Variants in UNC79 observed in about 807,000 individuals in gnomAD.
The protein encoded by UNC79 is unc-79 subunit of NALCN channel complex.
A neutral mutation model predicts 283.1 loss-of-function variants in UNC79; 37 were observed. The observed-to-expected ratio is 0.13, with a 90% confidence interval of 0.10 to 0.17. The LOEUF is 0.17. Among genes scored for constraint, UNC79 ranks in the 10% least tolerant of loss-of-function variants. The probability of loss-of-function intolerance (pLI) is 1.00; values close to 1 mark genes in which losing one functional copy is unlikely to be tolerated. For missense variants in UNC79, 2,272 were observed against 3,211.1 expected (o/e 0.71, Z 7.07); for synonymous variants, 1,107 against 1,200.2 (o/e 0.92, Z 1.61).
intron 27 of UNC79, among the ~76,000 whole-genome samples, chr14:93,614,178 T>A (rs2066514100): frequency 6.6e-6 from 1 of 152,168 alleles, no homozygotes. Context: ...TTGAGTAATT[T>A]TATGTTATTG....
At chr14:93,698,564 C>T (rs1433371635) in intron 47 of UNC79, among the ~76,000 whole-genome samples, 1 of 147,496 alleles carries the variant, frequency 6.8e-6, no homozygotes, top group Non-Finnish European at 1.5e-5. Context: ...TGGCTCGCCA[C>T]AACCTCTGCC....
At chr14:93,450,210 G>A (rs1464190614) in intron 1 of UNC79, among the ~76,000 whole-genome samples, 1 of 152,178 alleles carries the variant, frequency 6.6e-6, no homozygotes, top group African/African-American at 2.4e-5. Context: ...AACATGACCT[G>A]CCTCTAGCTC....
At position 93,423,576 on chromosome 14, in the gene UNC79, T is replaced by C. The variant is rs558641720; in HGVS notation, c.-350-44095T>C. On this transcript the variant is annotated intron_variant, in intron 1 of 49. Transcript: ENST00000256339. ...ATAAATCCATACATCTACAGTGAAT[T>C]CATTTTTGACAAAACTACCAAGAAC... Among the ~76,000 whole-genome samples, 3 of 152,320 alleles carry C rather than the reference T, an allele frequency of 2.0e-5. No homozygotes were observed. The East Asian group carries it at 5.8e-4, about 29-fold the overall frequency.
chr14:93,467,355 A>T (rs1273871285), intron 1 of UNC79, among the ~76,000 whole-genome samples: 1 of 152,122 alleles, frequency 6.6e-6, no homozygotes, highest in Admixed American at 6.5e-5. Flanking sequence ...TTAGAAAACA[A>T]TTTGGAGTAC....
chr14:93,582,473 A>G, intron 20 of UNC79, 129 bp downstream of exon 20: 3 of 1,301,044 alleles, frequency 2.3e-6, no homozygotes, highest in East Asian at 5.1e-5. Flanking sequence ...ACTCGTGCAG[A>G]GGAACATCTC....
chr14:93,488,231 T>A (rs2058543849), intron 5 of UNC79, among the ~76,000 whole-genome samples: 1 of 152,254 alleles, frequency 6.6e-6, no homozygotes, highest in Non-Finnish European at 1.5e-5. Flanking sequence ...TATGTGAAAG[T>A]ACTTGTCTCA....
At chr14:93,698,476 G>GATTTTTTT (rs1555408706) in intron 47 of UNC79, among the ~76,000 whole-genome samples, 4 of 79,092 alleles carry the variant, frequency 5.1e-5, no homozygotes, top group African/African-American at 8.0e-5. Context: ...TTTAGTTTAG[G>GATTTTTTT]TTTTTTTTTT....
At chr14:93,579,344 C>A (rs1261813999) in intron 18 of UNC79, among the ~76,000 whole-genome samples, 1 of 152,176 alleles carries the variant, frequency 6.6e-6, no homozygotes, top group Non-Finnish European at 1.5e-5. Flanking sequence ...TATGATCAGG[C>A]TTTCATCCAC....
chr14:93,675,573 A>C (rs995140144), intron 41 of UNC79, among the ~76,000 whole-genome samples: 42 of 152,236 alleles, frequency 2.8e-4, no homozygotes, highest in African/African-American at 1.0e-3. Flanking sequence ...ACAGAAGTTC[A>C]GGAGTTGACC....
chr14:93,487,137 A>G (rs1257768579), intron 4 of UNC79, among the ~76,000 whole-genome samples: 1 of 152,198 alleles, frequency 6.6e-6, no homozygotes, highest in African/African-American at 2.4e-5. Flanking sequence ...AAATCTTTAA[A>G]TTAATATATC....
At chr14:93,628,310 A>G (rs1218315964) in intron 30 of UNC79, among the ~76,000 whole-genome samples, 1 of 152,098 alleles carries the variant, frequency 6.6e-6, no homozygotes, top group African/African-American at 2.4e-5. Flanking sequence ...CCGCCTTTGT[A>G]TTCTTTACCT....
At chr14:93,670,687 G>T (rs1308324878) in intron 40 of UNC79, among the ~76,000 whole-genome samples, 1 of 152,142 alleles carries the variant, frequency 6.6e-6, no homozygotes, top group African/African-American at 2.4e-5. Flanking sequence ...TTGACCATTG[G>T]TGATCAATCC....
intron 4 of UNC79, 98 bp downstream of exon 4, chr14:93,477,826 G>A: frequency 8.7e-7 from 1 of 1,143,088 alleles, no homozygotes; most frequent in East Asian, 2.4e-5. Context: ...AGATTATAAT[G>A]GAATCACTTG....
chr14:93,630,926 G>C lies in UNC79; in HGVS notation c.5716+18G>C. On this transcript the variant is annotated intron_variant, in intron 31 of 48. Coordinates refer to ENST00000555664, the Ensembl canonical transcript of UNC79. ...AATATCAAGTAAGATTTCCTCTGCT[G>C]ATTATTTCATCTATGCATTTATTTT... The C allele has an allele frequency of 6.2e-7, 1 of 1,602,998 alleles. No homozygotes were observed. Among genetic ancestry groups the C allele is most frequent in the Non-Finnish European group, 8.5e-7 (1 of 1,170,026 alleles).
intron 1 of UNC79, among the ~76,000 whole-genome samples, chr14:93,403,874 T>A (rs1860180332): frequency 6.9e-6 from 1 of 145,630 alleles, no homozygotes; most frequent in Non-Finnish European, 1.5e-5. Flanking sequence ...GCTAGACTCT[T>A]TTTTTTTTTT....
chr14:93,575,008 T>G, intron 16 of UNC79, 50 bp from the exon 17 acceptor site: 1 of 1,565,726 alleles, frequency 6.4e-7, no homozygotes, highest in Non-Finnish European at 8.6e-7. Context: ...CTTTTTTGAG[T>G]TTTAAAATTT....
intron 14 of UNC79, among the ~76,000 whole-genome samples, chr14:93,556,828 T>A (rs1424111940): frequency 1.3e-5 from 2 of 152,198 alleles, no homozygotes; most frequent in Non-Finnish European, 2.9e-5. Context: ...TAAAAAAAAC[T>A]CTTTTAAATC....
At chr14:93,447,641 T>C (rs761944194) in intron 1 of UNC79, among the ~76,000 whole-genome samples, 5 of 152,100 alleles carry the variant, frequency 3.3e-5, no homozygotes, top group Non-Finnish European at 5.9e-5. Context: ...CCTGAAAAAC[T>C]TTCCTTCGCA....
chr14:93,584,576 C>T (rs1450573429), intron 20 of UNC79, among the ~76,000 whole-genome samples: 3 of 152,210 alleles, frequency 2.0e-5, no homozygotes, highest in Non-Finnish European at 2.9e-5. Context: ...GATCCAATAG[C>T]CTGTACTCTT....
Sources: allele counts gnomAD v4.1 joint callset (sites outside exome capture counted in the v4.1 genomes callset), GRCh38; gene constraint gnomAD v4.1.1; transcripts MANE v1.5; gene names NCBI Gene and HGNC (gene_info 2026-07-23, HGNC 2026-07-21).